RBFOX1: variants seen among roughly 807,000 people sequenced by gnomAD.
RBFOX1 encodes the protein RNA binding fox-1 homolog 1.
A neutral mutation model predicts 57.7 loss-of-function variants in RBFOX1; 8 were observed. The observed-to-expected ratio is 0.14, with a 90% confidence interval of 0.08 to 0.25. RBFOX1 has a LOEUF of 0.25. RBFOX1 is among the 10% of genes least tolerant of loss of function. The pLI is 1.00. For missense variants in RBFOX1, 611 were observed against 548.5 expected (o/e 1.11, Z -1.14); for synonymous variants, 326 against 222.4 (o/e 1.47, Z -4.15).
rs540466190 is a variant in RBFOX1, at chr16:5,865,131, T to C, written c.319-2172T>C. ...TCAGAGTAGTCAGCTGAAAACTCTTTTGCCCATGGAGCTTAGTGAAGCAGA... is the reference window on the plus strand; with the variant it reads ...TCAGAGTAGTCAGCTGAAAACTCTTCTGCCCATGGAGCTTAGTGAAGCAGA... On this transcript the variant is annotated intron_variant, in intron 3 of 19. Coordinates refer to the RBFOX1 transcript ENST00000641259. Among the ~76,000 whole-genome samples the C allele has an allele frequency of 5.3e-5, 8 of 152,306 alleles. No individual in the cohort carries two copies. The South Asian group carries it at 1.7e-3, about 32-fold the overall frequency.
chr16:6,184,809 C>T (rs1312682712), intron 1 of RBFOX1, among the ~76,000 whole-genome samples: 1 of 152,014 alleles, frequency 6.6e-6, no homozygotes, highest in Non-Finnish European at 1.5e-5. Flanking sequence ...CCTCGTGATC[C>T]ACCCGCCTCA....
chr16:6,430,711 G>C (rs1050941597), intron 2 of RBFOX1, among the ~76,000 whole-genome samples: 11 of 152,078 alleles, frequency 7.2e-5, no homozygotes, highest in African/African-American at 2.7e-4. Flanking sequence ...GACTTTACCT[G>C]GCAAGAGGTA....
At chr16:5,518,522 A>G (rs985150127) in intron 2 of RBFOX1, among the ~76,000 whole-genome samples, 1 of 152,264 alleles carries the variant, frequency 6.6e-6, no homozygotes, top group Non-Finnish European at 1.5e-5. Context: ...TAAGTGGGTC[A>G]ACCAGTGATG....
chr16:5,562,594 AG>A (rs1359762329), intron 2 of RBFOX1, among the ~76,000 whole-genome samples: 1 of 152,130 alleles, frequency 6.6e-6, no homozygotes. Context: ...TCAGTTTTCT[AG>A]GATAGAAATG....
intron 4 of RBFOX1, among the ~76,000 whole-genome samples, chr16:7,382,537 A>G (rs544413281): frequency 6.6e-6 from 1 of 152,356 alleles, no homozygotes; most frequent in East Asian, 1.9e-4. Context: ...AGGAAATGGC[A>G]TAACTCACCG....
chr16:7,391,392 G>C (rs2098017441), intron 4 of RBFOX1, among the ~76,000 whole-genome samples: 1 of 152,114 alleles, frequency 6.6e-6, no homozygotes, highest in Non-Finnish European at 1.5e-5. Context: ...GGGGTAGCTG[G>C]GTACCTGCCT....
intron 1 of RBFOX1, among the ~76,000 whole-genome samples, chr16:5,380,616 C>A (rs1305890969): frequency 6.6e-6 from 1 of 152,176 alleles, no homozygotes; most frequent in Non-Finnish European, 1.5e-5. Context: ...AGGCTCAGAG[C>A]TAAGCATTTT....
intron 3 of RBFOX1, among the ~76,000 whole-genome samples, chr16:6,949,800 T>C (rs2080319012): frequency 6.6e-6 from 1 of 152,064 alleles, no homozygotes; most frequent in Non-Finnish European, 1.5e-5. Context: ...CTTCTGAATT[T>C]TTTTTTTCTG....
chr16:7,231,632 C>T (rs935846098), intron 4 of RBFOX1, among the ~76,000 whole-genome samples: 3 of 152,254 alleles, frequency 2.0e-5, no homozygotes, highest in Middle Eastern at 3.4e-3. Flanking sequence ...AAAGCAAAGA[C>T]AACCCAAATG....
chr16:5,916,209 A>T (rs1372370866), intron 4 of RBFOX1, among the ~76,000 whole-genome samples: 1 of 152,114 alleles, frequency 6.6e-6, no homozygotes, highest in South Asian at 2.1e-4. Context: ...AAAAACCCAG[A>T]TGAAAGGATG....
intron 4 of RBFOX1, among the ~76,000 whole-genome samples, chr16:5,898,175 A>T (rs577317469): frequency 7.9e-5 from 12 of 152,278 alleles, no homozygotes; most frequent in African/African-American, 2.6e-4. Context: ...AAACCATCAG[A>T]TCTTGTGAGA....
In RBFOX1 at chr16:5,829,183, C is replaced by A. The variant is rs551348077; in HGVS notation, c.319-38120C>A. 4.7e-4 allele frequency among the ~76,000 whole-genome samples: 72 copies of A among 152,260 alleles called. No homozygotes were observed. In the Middle Eastern group the frequency reaches 0.02, roughly 43 times the overall value. ...TGGGGACCATCTTAGAAGCTGCCTG[C>A]CACACTGTGGTTTAAAGGGTGATGA... On this transcript the variant is annotated intron_variant, in intron 3 of 19. Transcript: ENST00000641259.
chr16:7,145,611 A>G (rs1203571818), intron 4 of RBFOX1, among the ~76,000 whole-genome samples: 1 of 151,982 alleles, frequency 6.6e-6, no homozygotes, highest in East Asian at 1.9e-4. Context: ...CCTCTCGGTT[A>G]TGTTAGTGGG....
intron 1 of RBFOX1, among the ~76,000 whole-genome samples, chr16:6,202,674 C>CT (rs1318889342): frequency 6.6e-6 from 1 of 152,138 alleles, no homozygotes; most frequent in African/African-American, 2.4e-5. Context: ...TCGGAGGTAA[C>CT]TATACATCCA....
At position 7,138,577 on chromosome 16, in the gene RBFOX1, C is replaced by A. The variant is rs149968114; in HGVS notation, c.27+86479C>A. 4.1e-3 allele frequency among the ~76,000 whole-genome samples: 626 copies of A among 152,280 alleles called. 4 individuals carry two copies. The highest frequency in any genetic ancestry group is 7.6e-3 in the Non-Finnish European group (517 of 68,022). On this transcript the variant is annotated intron_variant, in intron 4 of 15. Coordinates refer to ENST00000550418, the MANE Select transcript of RBFOX1 (RefSeq NM_018723.4). ...ACAACGTTAATTTTATCCTCATCCC[C>A]ACTTTTCCTTCATGGCCAGGAAATG...
intron 4 of RBFOX1, among the ~76,000 whole-genome samples, chr16:7,303,338 G>A (rs2096077838): frequency 6.6e-6 from 1 of 152,046 alleles, no homozygotes; most frequent in African/African-American, 2.4e-5. Flanking sequence ...AGCCCCTAAC[G>A]TCTCAGCACT....
In RBFOX1 at chr16:6,830,977, C is replaced by T. The variant is rs1047151794; in HGVS notation, c.-16+176327C>T. On this transcript the variant is annotated intron_variant, in intron 3 of 15. Transcript: ENST00000550418. Reference sequence around the variant, plus strand: ...TTATTTAATTGCGATATGTAAAGTTCTCCAAATGTGGATGCCATAGAACCT... The same window carrying T: ...TTATTTAATTGCGATATGTAAAGTTTTCCAAATGTGGATGCCATAGAACCT... 7.9e-5 allele frequency among the ~76,000 whole-genome samples: 12 copies of T among 152,172 alleles called. No homozygotes were observed. The East Asian group carries it at 2.3e-3, about 29-fold the overall frequency.
At chr16:5,461,021 C>G (rs1375145083) in intron 1 of RBFOX1, among the ~76,000 whole-genome samples, 1 of 152,098 alleles carries the variant, frequency 6.6e-6, no homozygotes, top group Non-Finnish European at 1.5e-5. Flanking sequence ...TGCAGAAATA[C>G]TTCCTGTCTC....
At position 7,130,292 on chromosome 16, in the gene RBFOX1, C is replaced by T. The variant is rs1233237540; in HGVS notation, c.27+78194C>T. Among the ~76,000 whole-genome samples, 12 of 152,268 alleles carry T rather than the reference C, an allele frequency of 7.9e-5. No homozygotes were observed. The East Asian group carries it at 1.9e-3, about 25-fold the overall frequency. ...TCAGGTGATCTACCCACATCAGCTT[C>T]CCAAAGTGCTGAGATTGTAGGCATG... On this transcript the variant is annotated intron_variant, in intron 4 of 15. Coordinates refer to ENST00000550418, the MANE Select transcript of RBFOX1 (RefSeq NM_018723.4).
Sources: allele counts gnomAD v4.1 joint callset (sites outside exome capture counted in the v4.1 genomes callset), GRCh38; gene constraint gnomAD v4.1.1; transcripts MANE v1.5; gene names NCBI Gene and HGNC (gene_info 2026-07-23, HGNC 2026-07-21).